NRG1: variants seen among roughly 807,000 people sequenced by gnomAD.
The protein encoded by NRG1 is pro-neuregulin-1, membrane-bound isoform.
Under a neutral mutation model 63.8 loss-of-function variants are expected in NRG1, and 18 were observed. That is an observed-to-expected ratio of 0.28 (90% CI 0.19 to 0.42). The LOEUF is 0.42. Among genes scored for constraint, NRG1 ranks in the 10% least tolerant of loss-of-function variants. The pLI is 1.00. For synonymous variants in NRG1, 302 were observed against 301.3 expected, an observed-to-expected ratio of 1.00 and a Z score of -0.02; for missense variants, 762 against 814.7, an observed-to-expected ratio of 0.94 and a Z score of 0.79.
intron 1 of NRG1, among the ~76,000 whole-genome samples, chr8:32,299,224 A>G (rs377514704): frequency 3.2e-4 from 48 of 152,212 alleles, no homozygotes; most frequent in African/African-American, 1.2e-3. Flanking sequence ...TTTTCTAGAT[A>G]AATAGTCCTT....
intron 1 of NRG1, among the ~76,000 whole-genome samples, chr8:32,158,139 G>T (rs867976158): frequency 1.3e-5 from 2 of 152,088 alleles, no homozygotes; most frequent in Middle Eastern, 6.8e-3. Flanking sequence ...CCTGGCTGCA[G>T]TGGGTAGTAG....
At chr8:32,348,447 C>A (rs1392098575) in intron 1 of NRG1, among the ~76,000 whole-genome samples, 1 of 152,140 alleles carries the variant, frequency 6.6e-6, no homozygotes, top group Non-Finnish European at 1.5e-5. Flanking sequence ...GAAGCTAAAG[C>A]CATATTTTTC....
intron 1 of NRG1, among the ~76,000 whole-genome samples, chr8:31,775,775 C>T (rs867251121): frequency 1.4e-5 from 2 of 145,574 alleles, no homozygotes; most frequent in Admixed American, 7.1e-5. Context: ...CCCAGCTACT[C>T]GGGAGGCTGA....
chr8:32,436,020 T>A (rs1032796852), intron 1 of NRG1, among the ~76,000 whole-genome samples: 1 of 152,084 alleles, frequency 6.6e-6, no homozygotes, highest in African/African-American at 2.4e-5. Context: ...TCACCAGGAG[T>A]GTGTATTAAT....
downstream of NRG1, among the ~76,000 whole-genome samples, chr8:32,772,015 C>A (rs1831839280): frequency 1.2e-5 from 1 of 81,866 alleles, no homozygotes; most frequent in Non-Finnish European, 2.4e-5. Context: ...AAGAGTGAAA[C>A]TCCGTCTCAA....
At chr8:31,784,959 T>A (rs187419699) in intron 1 of NRG1, among the ~76,000 whole-genome samples, 1 of 152,314 alleles carries the variant, frequency 6.6e-6, no homozygotes, top group Admixed American at 6.5e-5. Flanking sequence ...TTTATCACAC[T>A]TTTCCTTCAT....
intron 1 of NRG1, among the ~76,000 whole-genome samples, chr8:31,830,898 C>T (rs1369661552): frequency 6.6e-6 from 1 of 152,114 alleles, no homozygotes; most frequent in Non-Finnish European, 1.5e-5. Context: ...GCCCCTCCCC[C>T]AATACCACCA....
chr8:32,249,448 T>G (rs1215957350), intron 1 of NRG1, among the ~76,000 whole-genome samples: 2 of 152,152 alleles, frequency 1.3e-5, no homozygotes, highest in Non-Finnish European at 2.9e-5. Context: ...TGTTCTGTTC[T>G]CATGATTCTT....
At chr8:32,157,051 T>C (rs1278877289) in intron 1 of NRG1, among the ~76,000 whole-genome samples, 1 of 25,632 alleles carries the variant, frequency 3.9e-5, no homozygotes, top group Non-Finnish European at 1.1e-4. Flanking sequence ...TTAAAACTCG[T>C]GTGTGTGTGT....
chr8:32,086,146 C>T (rs1302453514), intron 1 of NRG1, among the ~76,000 whole-genome samples: 1 of 152,086 alleles, frequency 6.6e-6, no homozygotes, highest in Non-Finnish European at 1.5e-5. Flanking sequence ...TGTAAATGGA[C>T]ATTTTGTTCA....
chr8:32,197,214 G>A (rs541744546), intron 1 of NRG1, among the ~76,000 whole-genome samples: 4 of 151,818 alleles, frequency 2.6e-5, no homozygotes, highest in Admixed American at 6.6e-5. Context: ...TGCCCGCCTC[G>A]GCCTCCCAAA....
At chr8:32,137,602 T>G (rs1835719067) in intron 1 of NRG1, among the ~76,000 whole-genome samples, 1 of 152,176 alleles carries the variant, frequency 6.6e-6, no homozygotes, top group Non-Finnish European at 1.5e-5. Context: ...ACGATCTGCT[T>G]CTTCTATAGA....
chr8:31,734,872 T>G (rs1376823587), intron 1 of NRG1, among the ~76,000 whole-genome samples: 1 of 152,152 alleles, frequency 6.6e-6, no homozygotes, highest in Non-Finnish European at 1.5e-5. Flanking sequence ...GGTTTTTGTT[T>G]GTATTACCCT....
In NRG1 at chr8:32,215,869, C is replaced by G. The variant is rs568867075; in HGVS notation, c.38-379959C>G. Among the ~76,000 whole-genome samples, 11 of 152,052 alleles carry G rather than the reference C, an allele frequency of 7.2e-5. No individual in the cohort carries two copies. In the East Asian group the frequency reaches 2.1e-3, roughly 30 times the overall value. ...CCCATCTGGCCAACATGGTGAAAAC[C>G]CGTTTCTACTAAAAATACAAAAACT... On this transcript the variant is annotated intron_variant, in intron 1 of 10. Coordinates refer to the NRG1 transcript ENST00000519301.
intron 1 of NRG1, among the ~76,000 whole-genome samples, chr8:31,833,806 C>T (rs570367905): frequency 7.2e-5 from 11 of 152,138 alleles, no homozygotes; most frequent in Admixed American, 2.0e-4. Context: ...AATCATCTTG[C>T]TCATTCCATA....
intron 1 of NRG1, among the ~76,000 whole-genome samples, chr8:32,317,135 T>G (rs1453004199): frequency 6.6e-6 from 1 of 152,176 alleles, no homozygotes; most frequent in Non-Finnish European, 1.5e-5. Context: ...TAGCAGACTT[T>G]CCAGGGAATG....
intron 1 of NRG1, among the ~76,000 whole-genome samples, chr8:32,055,771 G>A (rs1231166367): frequency 6.6e-6 from 1 of 151,590 alleles, no homozygotes; most frequent in East Asian, 1.9e-4. Flanking sequence ...TCAGAGACTG[G>A]AAGACTTGAA....
intron 1 of NRG1, among the ~76,000 whole-genome samples, chr8:32,167,159 A>G (rs1839490753): frequency 6.6e-6 from 1 of 152,178 alleles, no homozygotes; most frequent in African/African-American, 2.4e-5. Context: ...TCTAAGTGTA[A>G]GTCAAATTAA....
At chr8:32,166,876 G>A (rs1839454650) in intron 1 of NRG1, among the ~76,000 whole-genome samples, 1 of 152,132 alleles carries the variant, frequency 6.6e-6, no homozygotes, top group Non-Finnish European at 1.5e-5. Context: ...GCAACTGATG[G>A]AATAACCAAA....
Sources: allele counts gnomAD v4.1 joint callset (sites outside exome capture counted in the v4.1 genomes callset), GRCh38; gene constraint gnomAD v4.1.1; transcripts MANE v1.5; gene names NCBI Gene and HGNC (gene_info 2026-07-23, HGNC 2026-07-21).